The following SBF2 variants were observed in gnomAD, a reference collection of about 807,000 sequenced individuals.
SBF2 encodes the protein SET binding factor 2.
A neutral mutation model predicts 225.2 loss-of-function variants in SBF2; 112 were observed. That is an observed-to-expected ratio of 0.50 (90% CI 0.43 to 0.58). The LOEUF is 0.58. Ranked by LOEUF, SBF2 falls within the 20% of genes least tolerant of loss-of-function variation. SBF2 has a pLI of 0.00. For synonymous variants in SBF2, 763 were observed against 773.3 expected (o/e 0.99, Z 0.22); for missense variants, 1,996 against 2,206.2 (o/e 0.90, Z 1.91).
chr11:10,018,376 A>G (rs535132556), intron 6 of SBF2, among the ~76,000 whole-genome samples: 2 of 152,308 alleles, frequency 1.3e-5, no homozygotes, highest in East Asian at 3.9e-4. Flanking sequence ...AGCACAGGAA[A>G]AAAAAAGGTA....
At chr11:10,206,997 C>T (rs1382161597) in intron 1 of SBF2, among the ~76,000 whole-genome samples, 1 of 151,918 alleles carries the variant, frequency 6.6e-6, no homozygotes, top group Non-Finnish European at 1.5e-5. Context: ...CAAGAAGTTG[C>T]GTGACTCTCA....
In SBF2 at chr11:10,031,097, G is replaced by A. The variant is rs1949238001; in HGVS notation, c.353C>T (p.Pro118Leu). 1 of 1,613,372 alleles carries A rather than the reference G, an allele frequency of 6.2e-7. No individual in the cohort carries two copies. The highest frequency in any genetic ancestry group is 1.1e-5 in the South Asian group (1 of 91,036). The change falls in exon 4 of 40, where the codon CCC becomes CTC. Residue 118 changes from proline to leucine, a missense_variant. By Grantham distance (98) the Pro-to-Leu change is moderately conservative (BLOSUM62 -3). Coordinates refer to ENST00000256190, the MANE Select transcript of SBF2 (RefSeq NM_030962.4). ...GLIQPAEVFAPKSLVLVSRLY... is the reference protein window; with the variant it reads ...GLIQPAEVFALKSLVLVSRLY... ...TCTGGATACCAACACCAGGCTTTTG[G>A]GAGCAAACACTTCTGCAGGCTGAAT...
In SBF2 at chr11:9,964,694, T is replaced by G. The variant is rs888078964; in HGVS notation, c.1601-812A>C. 5.2e-4 allele frequency among the ~76,000 whole-genome samples: 79 copies of G among 152,206 alleles called. 1 individual carries two copies. The highest frequency in any genetic ancestry group is 1.5e-4 in the Non-Finnish European group (10 of 68,022). On this transcript the variant is annotated intron_variant, in intron 14 of 39. Coordinates refer to ENST00000256190, the MANE Select transcript of SBF2 (RefSeq NM_030962.4). ...ATGCAAACCTAGCACCTTTCACCTT[T>G]TACCATAGGGTTAGAAAATTCTAGT... is the stretch of plus-strand genomic sequence containing the variant.
At chr11:10,031,263 C>T in intron 3 of SBF2, 93 bp from the exon 4 acceptor site, 1 of 1,180,612 alleles carries the variant, frequency 8.5e-7, no homozygotes, top group Admixed American at 2.1e-5. Flanking sequence ...ATAACTTATG[C>T]AAATTCAAAA....
At chr11:10,181,476 C>T (rs7479039) in intron 2 of SBF2, among the ~76,000 whole-genome samples, 74,401 of 151,824 alleles carry the variant, frequency 0.49, 18,623 homozygotes, top group Non-Finnish European at 0.54. Context: ...ACATGCAGTT[C>T]AGATTCTAGA....
At chr11:10,200,112 T>C (rs12272306) in intron 1 of SBF2, among the ~76,000 whole-genome samples, 3,360 of 152,244 alleles carry the variant, frequency 0.022, 97 homozygotes, top group African/African-American at 0.067. Flanking sequence ...GGAGGTTTTA[T>C]ATACATATGA....
At chr11:10,286,166 GCACA>G (rs57445416) in intron 1 of SBF2, among the ~76,000 whole-genome samples, 38,839 of 147,184 alleles carry the variant, frequency 0.26, 5,670 homozygotes, top group Non-Finnish European at 0.34. Context: ...ACACGCACAC[GCACA>G]CACACACACA....
At position 10,022,302 on chromosome 11, in the gene SBF2, T is replaced by C. The variant is rs563382842; in HGVS notation, c.619+6150A>G. Among the ~76,000 whole-genome samples the C allele has an allele frequency of 6.6e-5, 10 of 152,274 alleles. No individual in the cohort carries two copies. In the East Asian group the frequency reaches 1.7e-3, roughly 26 times the overall value. ...GTCCCTGAAGATATTCCAGAATCAA[T>C]ACACATCAGCCCTGGACTGCCTACC... On this transcript the variant is annotated intron_variant, in intron 6 of 39. Coordinates refer to ENST00000256190, the MANE Select transcript of SBF2 (RefSeq NM_030962.4).
chr11:9,849,612 T>C (rs1415969244), intron 22 of SBF2, among the ~76,000 whole-genome samples: 2 of 152,196 alleles, frequency 1.3e-5, no homozygotes, highest in Non-Finnish European at 2.9e-5. Flanking sequence ...CTGGACAACC[T>C]TGTGATAGTT....
At chr11:10,121,269 C>A (rs1227623242) in intron 2 of SBF2, among the ~76,000 whole-genome samples, 26 of 152,176 alleles carry the variant, frequency 1.7e-4, no homozygotes, top group Admixed American at 1.7e-3. Context: ...AGATGAGAGA[C>A]AAAACTTTCA....
intron 16 of SBF2, chr11:9,959,929 A>T (rs1229104417): frequency 3.1e-6 from 1 of 322,942 alleles, no homozygotes; most frequent in Non-Finnish European, 6.1e-6. Flanking sequence ...TAAGATACTT[A>T]AATCTTTTGC....
At chr11:10,112,166 A>G (rs1952899568) in intron 2 of SBF2, among the ~76,000 whole-genome samples, 1 of 152,168 alleles carries the variant, frequency 6.6e-6, no homozygotes, top group African/African-American at 2.4e-5. Flanking sequence ...CCTTTATCTA[A>G]ACTCTTGAAA....
At chr11:10,073,603 G>T (rs1950979369) in intron 2 of SBF2, among the ~76,000 whole-genome samples, 1 of 152,134 alleles carries the variant, frequency 6.6e-6, no homozygotes, top group African/African-American at 2.4e-5. Flanking sequence ...TGTAGTCCCA[G>T]CTACTCAGGA....
chr11:9,814,571 A>G lies in SBF2; in HGVS notation c.3979-1863T>C, dbSNP rs180714018. On this transcript the variant is annotated intron_variant, in intron 29 of 39. Transcript: ENST00000256190. ...GACTGTAATTTTATATACAGAAGAT[A>G]AAGAAACCTAAACATCCAACAACAT... Among the ~76,000 whole-genome samples the G allele has an allele frequency of 2.5e-3, 385 of 152,326 alleles. 6 individuals are homozygous for G. Among genetic ancestry groups the G allele is most frequent in the Non-Finnish European group, 4.1e-3 (279 of 68,024 alleles).
upstream of SBF2, chr11:10,294,294 G>C (rs934135490): frequency 8.4e-6 from 3 of 358,574 alleles, no homozygotes; most frequent in African/African-American, 6.4e-5. Flanking sequence ...AAGCCCGGGC[G>C]GCGAGCCCAC....
At chr11:9,833,124 G>A (rs1855496708) in intron 26 of SBF2, among the ~76,000 whole-genome samples, 1 of 152,134 alleles carries the variant, frequency 6.6e-6, no homozygotes, top group Non-Finnish European at 1.5e-5. Flanking sequence ...GATGGTGAAA[G>A]GCTTAAAAAC....
intron 17 of SBF2, among the ~76,000 whole-genome samples, chr11:9,893,214 A>T (rs1038305869): frequency 6.6e-6 from 1 of 152,238 alleles, no homozygotes; most frequent in African/African-American, 2.4e-5. Flanking sequence ...TGTGCCCAGG[A>T]ATATGTAATT....
At chr11:10,041,408 G>T (rs979347614) in intron 3 of SBF2, among the ~76,000 whole-genome samples, 1 of 152,114 alleles carries the variant, frequency 6.6e-6, no homozygotes, top group Non-Finnish European at 1.5e-5. Context: ...GAAGCAACAG[G>T]CTATGTTAGT....
At chr11:9,891,778 G>A (rs1860841240) in intron 17 of SBF2, among the ~76,000 whole-genome samples, 1 of 152,116 alleles carries the variant, frequency 6.6e-6, no homozygotes, top group South Asian at 2.1e-4. Flanking sequence ...TACAATCCAG[G>A]GGAAAAAATA....
Sources: allele counts gnomAD v4.1 joint callset (sites outside exome capture counted in the v4.1 genomes callset), GRCh38; gene constraint gnomAD v4.1.1; transcripts MANE v1.5; gene names NCBI Gene and HGNC (gene_info 2026-07-23, HGNC 2026-07-21).